ALPL: variants seen among roughly 807,000 people sequenced by gnomAD.
The protein encoded by ALPL is alkaline phosphatase, biomineralization associated.
In ALPL, 42 loss-of-function variants were observed where a neutral mutation model predicts 51.3. The ratio of observed to expected loss-of-function variants is 0.82; its 90% confidence interval spans 0.64 to 1.06. ALPL has a LOEUF of 1.06. Ranked by LOEUF, ALPL falls within the 50% of genes least tolerant of loss-of-function variation. The pLI is 0.00. For missense variants in ALPL, 589 were observed against 709.4 expected (o/e 0.83, Z 1.93); for synonymous variants, 279 against 296.4 (o/e 0.94, Z 0.60).
rs371606181 is a variant in ALPL, at chr1:21,570,275, G to A, written c.793-30G>A. 91 of 1,611,442 alleles carry A rather than the reference G, an allele frequency of 5.6e-5. No homozygotes were observed. The highest frequency in any genetic ancestry group is 1.2e-4 in the Admixed American group (7 of 59,974). Reference sequence around the variant, plus strand: ...GTCCTTCCGACTCTCCCTAGCCCCCGGCATGTGCTGACACAGCCCTTCCTC... The same window carrying A: ...GTCCTTCCGACTCTCCCTAGCCCCCAGCATGTGCTGACACAGCCCTTCCTC... On this transcript the variant is annotated intron_variant, in intron 7 of 11. Coordinates refer to ENST00000374840, the MANE Select transcript of ALPL (RefSeq NM_000478.6).
Position 21,509,809 on chromosome 1 carries a change from C to T in ALPL, c.-105+292C>T, listed in dbSNP as rs990906668. 3.2e-4 allele frequency among the ~76,000 whole-genome samples: 48 copies of T among 152,126 alleles called. No homozygotes were observed. The highest frequency in any genetic ancestry group is 1.1e-3 in the African/African-American group (47 of 41,444). On this transcript the variant is annotated intron_variant, in intron 1 of 11. Coordinates refer to ENST00000374840, the MANE Select transcript of ALPL (RefSeq NM_000478.6). The surrounding 1 kb of genome is among the most constrained non-coding windows in gnomAD (Gnocchi z 6.0). ...ACCGCGCTCGGGACCGCCCTGCAGT[C>T]CCAGGGTCTCCTACCTCCCGAGCCG...
At position 21,576,244 on chromosome 1, in the gene ALPL, ATGGATGGATGATGGATGGATGGATGGG is replaced by A. The variant is rs1293778501; in HGVS notation, c.1190-267_1190-241del. On this transcript the variant is annotated intron_variant, in intron 10 of 11. Transcript: ENST00000374840. ...GATGGATGGATGGATGGATGGATGG[ATGGATGGATGATGGATGGATGGATGGG>A]TGGATGGATGGATGGGTGGATGGAT... Among the ~76,000 whole-genome samples, 11 of 123,256 alleles carry A rather than the reference ATGGATGGATGATGGATGGATGGATGGG, an allele frequency of 8.9e-5. No homozygotes were observed. The South Asian group carries it at 1.2e-3, about 13-fold the overall frequency. The allele number at this position is 123,256 out of a possible 152,430, so 80.9% of individuals were successfully genotyped here.
intron 1 of ALPL, among the ~76,000 whole-genome samples, chr1:21,535,611 T>C (rs1368986121): frequency 6.6e-6 from 1 of 151,236 alleles, no homozygotes; most frequent in Non-Finnish European, 1.5e-5. Context: ...CAAGACCCTG[T>C]CTCAAAAAAA....
In ALPL at chr1:21,516,115, A is replaced by C. The variant is rs1224531729; in HGVS notation, c.-105+6598A>C. Among the ~76,000 whole-genome samples the C allele has an allele frequency of 2.0e-5, 3 of 152,018 alleles. No homozygotes were observed. In the East Asian group the frequency reaches 5.9e-4, roughly 30 times the overall value. ...GGCTGGTTTCGAACTCCTGGGCTCAAGTGATCCTCCCACCTCATCCTCCCA... is the reference window on the plus strand; with the variant it reads ...GGCTGGTTTCGAACTCCTGGGCTCACGTGATCCTCCCACCTCATCCTCCCA... On this transcript the variant is annotated intron_variant, in intron 1 of 11. Coordinates refer to ENST00000374840, the MANE Select transcript of ALPL (RefSeq NM_000478.6).
intron 9 of ALPL, chr1:21,574,706 G>T (rs569934693): frequency 6.6e-6 from 1 of 152,400 alleles, no homozygotes; most frequent in South Asian, 2.1e-4. Flanking sequence ...CCCCGAACAG[G>T]CCTCTGACGC....
chr1:21,577,630 C>G lies in ALPL; in HGVS notation c.1557C>G (p.Pro519=), dbSNP rs376020180. ...TGCTGCTCGCGCTGGCCCTCTACCC[C>G]CTGAGCGTCCTGTTCTGAGGGCCCA... is the stretch of plus-strand genomic sequence containing the variant. ...GPLLLALALY[P]LSVLF is the part of the protein sequence containing the mutation. The change falls in exon 12 of 12, where the codon CCC becomes CCG. Residue 519 remains proline (P), a synonymous_variant. Transcript: ENST00000374840. The G allele has an allele frequency of 3.3e-5, 52 of 1,598,492 alleles. No individual in the cohort carries two copies. The highest frequency in any genetic ancestry group is 2.1e-4 in the African/African-American group (16 of 75,010).
intron 1 of ALPL, among the ~76,000 whole-genome samples, chr1:21,526,809 T>G (rs1456863505): frequency 6.6e-6 from 1 of 152,224 alleles, no homozygotes; most frequent in Non-Finnish European, 1.5e-5. Context: ...TTCTGCTTTT[T>G]CTGTTTTATC....
chr1:21,563,407 T>C, intron 5 of ALPL, 123 bp downstream of exon 5: 5 of 1,219,266 alleles, frequency 4.1e-6, no homozygotes, highest in Non-Finnish European at 4.5e-6. Context: ...AGCTCTGATA[T>C]GCTGGGAGTC....
intron 7 of ALPL, among the ~76,000 whole-genome samples, chr1:21,568,539 C>A (rs1370940587): frequency 2.6e-5 from 4 of 151,972 alleles, no homozygotes; most frequent in South Asian, 4.1e-4. Flanking sequence ...AGGCACCTGG[C>A]GGGGCATGCG....
At chr1:21,570,475 C>A in intron 8 of ALPL, 101 bp downstream of exon 8, 1 of 1,230,234 alleles carries the variant, frequency 8.1e-7, no homozygotes, top group Middle Eastern at 2.3e-4. Context: ...CTGACGCCCA[C>A]TTAGGGGCCT....
chr1:21,554,957 T>G (rs1331403714), intron 2 of ALPL, among the ~76,000 whole-genome samples: 1 of 151,670 alleles, frequency 6.6e-6, no homozygotes, highest in Non-Finnish European at 1.5e-5. Context: ...TTTCTTTCCT[T>G]TCTTTTCTCT....
At chr1:21,534,819 C>A (rs1644076304) in intron 1 of ALPL, among the ~76,000 whole-genome samples, 1 of 152,216 alleles carries the variant, frequency 6.6e-6, no homozygotes, top group Admixed American at 6.5e-5. Flanking sequence ...CCCTCCTTAT[C>A]TGTGATTTGG....
chr1:21,535,485 G>T (rs56067786), intron 1 of ALPL, among the ~76,000 whole-genome samples: 3 of 152,130 alleles, frequency 2.0e-5, no homozygotes, highest in South Asian at 4.1e-4. Flanking sequence ...GGTGCTGTGC[G>T]CCGGTGGTCC....
rs375470501 is a variant in ALPL at position 21,521,713 on chromosome 1, C to T, written c.-105+12196C>T. ...AGCCAGTGTCTCTGGGTCCAGTTTT[C>T]CTGTTGGCAGTTCAGGCCTTTAGTC... On this transcript the variant is annotated intron_variant, in intron 1 of 11. Coordinates refer to ENST00000374840, the MANE Select transcript of ALPL (RefSeq NM_000478.6). 1.7e-4 allele frequency among the ~76,000 whole-genome samples: 26 copies of T among 152,304 alleles called. No individual in the cohort carries two copies. In the East Asian group the frequency reaches 4.6e-3, roughly 27 times the overall value.
intron 1 of ALPL, among the ~76,000 whole-genome samples, chr1:21,512,784 T>C (rs1421156764): frequency 1.3e-5 from 2 of 152,206 alleles, no homozygotes; most frequent in Non-Finnish European, 1.5e-5. Context: ...ATGCTTAAAG[T>C]TTTCCATGCT....
chr1:21,545,729 C>T (rs1053182317), intron 1 of ALPL, among the ~76,000 whole-genome samples: 2 of 152,306 alleles, frequency 1.3e-5, no homozygotes, highest in East Asian at 1.9e-4. Flanking sequence ...TAAGTGGCTG[C>T]GCTGGTTCCT....
rs3738100 is a variant in ALPL, at chr1:21,560,825, G to T, written c.181+80G>T. The stretch of plus-strand genomic sequence containing the variant: ...CGGGAGCCAGGCTGAGTTGAAGGGG[G>T]CTGTGTTGAAGGGGCTAGGGCTCTG... On this transcript the variant is annotated intron_variant, in intron 3 of 11. Transcript: ENST00000374840. The T allele has an allele frequency of 8.2e-6, 13 of 1,578,700 alleles. No individual in the cohort carries two copies. The East Asian group carries it at 2.9e-4, about 36-fold the overall frequency.
intron 6 of ALPL, among the ~76,000 whole-genome samples, chr1:21,566,332 G>A: frequency 6.6e-6 from 1 of 152,162 alleles, no homozygotes; most frequent in East Asian, 1.9e-4. Context: ...CTCTAAGGCT[G>A]GAGTGTAGTG....
intron 8 of ALPL, 85 bp downstream of exon 8, chr1:21,570,459 C>T (rs1644631608): frequency 5.0e-6 from 7 of 1,405,600 alleles, no homozygotes; most frequent in Non-Finnish European, 7.0e-6. Flanking sequence ...GGGACAAGGC[C>T]CTAGCCTGAC....
Sources: gnomAD v4.1 joint callset for allele counts (sites outside exome capture counted in the v4.1 genomes callset) on GRCh38, gnomAD v4.1.1 for gene constraint, Gnocchi (gnomAD v3.1) non-coding constraint, MANE v1.5 for transcripts, NCBI Gene and HGNC (gene_info 2026-07-23, HGNC 2026-07-21) for gene names.